The following KIAA2012 variants were observed in gnomAD, a reference collection of about 807,000 sequenced individuals.
KIAA2012 encodes uncharacterized protein KIAA2012.
A neutral mutation model predicts 150.6 loss-of-function variants in KIAA2012; 125 were observed. The ratio of observed to expected loss-of-function variants is 0.83; its 90% CI spans 0.72 to 0.96. The LOEUF (loss-of-function observed/expected upper bound fraction) is 0.96. Ranked by LOEUF, KIAA2012 falls within the 40% of genes least tolerant of loss-of-function variation. KIAA2012 has a pLI of 0.00. For synonymous variants in KIAA2012, 462 were observed against 504.7 expected (o/e 0.92, Z 1.13); for missense variants, 1,219 against 1,354.9 (o/e 0.90, Z 1.57).
Position 202,193,523 on chromosome 2 carries a change from G to C in KIAA2012, c.3014+20G>C. The C allele has an allele frequency of 6.5e-7, 1 of 1,549,482 alleles. No individual in the cohort carries two copies. ...GATCCGGTAGGTTGGGCAAGCCAAA[G>C]AGACTACAGCCATGTTAGGAAGCAG... On this transcript the variant is annotated intron_variant, in intron 20 of 23. Transcript: ENST00000498697.
At chr2:202,165,476 C>T in intron 15 of KIAA2012, 120 bp downstream of exon 15, 1 of 924,774 alleles carries the variant, frequency 1.1e-6, no homozygotes, top group East Asian at 2.8e-5. Context: ...AGTCCCAGCA[C>T]TTTGTGAGGC....
chr2:202,106,807 A>T (rs1232195112), intron 9 of KIAA2012, among the ~76,000 whole-genome samples: 3 of 152,120 alleles, frequency 2.0e-5, no homozygotes, highest in African/African-American at 7.2e-5. Context: ...GTTTGTGTTT[A>T]TGTGTTGGAT....
intron 10 of KIAA2012, among the ~76,000 whole-genome samples, chr2:202,111,340 CAAAAAAAAAA>C (rs67625607): frequency 1.2e-5 from 1 of 83,856 alleles, no homozygotes; most frequent in Admixed American, 1.4e-4. Context: ...ACTAAAAATA[CAAAAAAAAAA>C]AAAAAAAAAA....
At chr2:202,087,721 C>T (rs974551928) in intron 2 of KIAA2012, among the ~76,000 whole-genome samples, 1 of 152,146 alleles carries the variant, frequency 6.6e-6, no homozygotes, top group Middle Eastern at 3.4e-3. Context: ...TGCATGTTCA[C>T]AAGATGGTCC....
intron 22 of KIAA2012, among the ~76,000 whole-genome samples, chr2:202,199,619 T>A (rs1229446535): frequency 6.6e-6 from 1 of 152,218 alleles, no homozygotes; most frequent in African/African-American, 2.4e-5. Context: ...ACAATTTAGA[T>A]GAACTGAAAT....
intron 17 of KIAA2012, 37 bp from the exon 18 acceptor site, chr2:202,188,115 C>T: frequency 6.8e-7 from 1 of 1,480,050 alleles, no homozygotes. Flanking sequence ...ATTTCCTATA[C>T]ATATTATGGT....
At chr2:202,103,630 T>C (rs1292713718) in intron 8 of KIAA2012, among the ~76,000 whole-genome samples, 1 of 152,214 alleles carries the variant, frequency 6.6e-6, no homozygotes, top group African/African-American at 2.4e-5. Context: ...CTCCATTTTA[T>C]AAAAGAAAGA....
At chr2:202,190,081 C>T (rs1049903316) in intron 18 of KIAA2012, 93 bp from the exon 19 acceptor site, 10 of 1,061,514 alleles carry the variant, frequency 9.4e-6, no homozygotes, top group Middle Eastern at 3.2e-4. Context: ...GAGCAAGACC[C>T]TGTCTCAAAA....
intron 22 of KIAA2012, among the ~76,000 whole-genome samples, chr2:202,200,087 C>T (rs1276831169): frequency 5.3e-5 from 8 of 151,846 alleles, no homozygotes; most frequent in African/African-American, 1.5e-4. Context: ...CATGCCACCA[C>T]GCCCAGCTAA....
chr2:202,074,928 C>T lies in KIAA2012; in HGVS notation c.122C>T (p.Pro41Leu). 1 of 1,550,720 alleles carries T rather than the reference C, an allele frequency of 6.4e-7. No homozygotes were observed. The highest frequency in any genetic ancestry group is 8.7e-7 in the Non-Finnish European group (1 of 1,147,000). Reference protein sequence around the residue: ...LNWRSPEDYVPVSKPQDKNNA... With the variant: ...LNWRSPEDYVLVSKPQDKNNA... ...TGGAGGTCCCCAGAAGACTATGTTCCTGTCAGCAAACCTCAAGATAAGAAC... is the reference window on the plus strand; with the variant it reads ...TGGAGGTCCCCAGAAGACTATGTTCTTGTCAGCAAACCTCAAGATAAGAAC... The change falls in exon 2 of 24, where the codon CCT becomes CTT. Residue 41 changes from proline (P) to leucine (L), a missense_variant. Pro to Leu is a moderately conservative substitution (Grantham distance 98, BLOSUM62 -3). Coordinates refer to ENST00000498697, the MANE Select transcript of KIAA2012 (RefSeq NM_001277372.4).
chr2:202,193,487 C>G lies in KIAA2012; in HGVS notation c.2998C>G (p.Arg1000Gly), dbSNP rs535904400. Residue 1000 changes from arginine (R) to glycine (G), a missense_variant, in exon 20 of 24, where the codon CGT (arginine) becomes GGT (glycine). Transcript: ENST00000498697. ...GGAGCTGGAGCTGGAGCAGCAGAGA[C>G]GTACAGAAGAGATCCGGTAGGTTGG... is the stretch of plus-strand genomic sequence containing the variant. The part of the protein sequence containing the change: ...EEELELEQQR[R>G]TEEIRLRKQR... 1.9e-6 allele frequency: 3 copies of G among 1,550,030 alleles called. No individual in the cohort carries two copies. Among genetic ancestry groups the G allele is most frequent in the South Asian group, 2.4e-5 (2 of 84,038 alleles).
intron 13 of KIAA2012, among the ~76,000 whole-genome samples, chr2:202,152,151 T>C (rs1308164756): frequency 6.6e-6 from 1 of 152,222 alleles, no homozygotes; most frequent in Non-Finnish European, 1.5e-5. Flanking sequence ...AATCTTTTTT[T>C]TCCTCCCATA....
At chr2:202,108,581 A>G (rs907201993) in intron 9 of KIAA2012, among the ~76,000 whole-genome samples, 1 of 152,220 alleles carries the variant, frequency 6.6e-6, no homozygotes, top group Admixed American at 6.5e-5. Context: ...GTTGCTTTGC[A>G]GAATTACCTT....
intron 14 of KIAA2012, among the ~76,000 whole-genome samples, chr2:202,162,012 A>G (rs1027986324): frequency 3.3e-5 from 5 of 152,030 alleles, no homozygotes; most frequent in Non-Finnish European, 7.4e-5. Flanking sequence ...ATCACATTTT[A>G]TTTAGGTTTA....
intron 9 of KIAA2012, among the ~76,000 whole-genome samples, chr2:202,106,590 G>A (rs1453595066): frequency 6.6e-6 from 1 of 152,102 alleles, no homozygotes; most frequent in Non-Finnish European, 1.5e-5. Context: ...GGGTGGCTGA[G>A]GCACAAGAAT....
rs1252239596 is a variant in KIAA2012, at chr2:202,093,831, A to G, written c.685+646A>G. On this transcript the variant is annotated intron_variant, in intron 4 of 23. Coordinates refer to ENST00000498697, the MANE Select transcript of KIAA2012 (RefSeq NM_001277372.4). ...AGTATTATGGGGATTGACACTGTCA[A>G]TCCCAATATTATTCTATGGAACTTG... Among the ~76,000 whole-genome samples, 4 of 152,198 alleles carry G rather than the reference A, an allele frequency of 2.6e-5. No individual in the cohort carries two copies. In the South Asian group the frequency reaches 6.2e-4, roughly 24 times the overall value.
chr2:202,084,566 G>A (rs1689520533), intron 2 of KIAA2012, among the ~76,000 whole-genome samples: 1 of 152,202 alleles, frequency 6.6e-6, no homozygotes, highest in African/African-American at 2.4e-5. Flanking sequence ...GCAAAGCCGA[G>A]GCAGGCCTGA....
chr2:202,095,357 G>A (rs1262735598), intron 4 of KIAA2012, among the ~76,000 whole-genome samples: 2 of 152,232 alleles, frequency 1.3e-5, no homozygotes, highest in East Asian at 3.9e-4. Context: ...GCAAATCCCA[G>A]GTCTCCAATA....
chr2:202,146,884 A>G (rs1691313834), intron 13 of KIAA2012, among the ~76,000 whole-genome samples: 1 of 152,228 alleles, frequency 6.6e-6, no homozygotes, highest in African/African-American at 2.4e-5. Flanking sequence ...TCTGAGGCAC[A>G]GTTTCCTCAT....
Sources: gnomAD v4.1 joint callset for allele counts (sites outside exome capture counted in the v4.1 genomes callset) on GRCh38, gnomAD v4.1.1 for gene constraint, MANE v1.5 for transcripts, NCBI Gene and HGNC (gene_info 2026-07-23, HGNC 2026-07-21) for gene names.